The following SPATA33 variants were observed in gnomAD, a reference collection of about 807,000 sequenced individuals.
SPATA33 encodes the protein spermatogenesis-associated protein 33.
In SPATA33, 10 loss-of-function variants were observed where a neutral mutation model predicts 8.9. The ratio of observed to expected loss-of-function variants is 1.12; its 90% confidence interval spans 0.69 to 1.90. The LOEUF is 1.90. Ranked by LOEUF, SPATA33 falls within the 40% of genes most tolerant of loss-of-function variation. The probability of loss-of-function intolerance (pLI) is 0.00; values close to 1 mark genes in which losing one functional copy is unlikely to be tolerated. For missense variants in SPATA33, 241 were observed against 178.3 expected (o/e 1.35, Z -2.00); for synonymous variants, 96 against 72.8 (o/e 1.32, Z -1.63).
intron 2 of SPATA33, among the ~76,000 whole-genome samples, chr16:89,666,978 C>T (rs1364499239): frequency 6.6e-6 from 1 of 152,244 alleles, no homozygotes; most frequent in East Asian, 1.9e-4. Flanking sequence ...CACTGAAGCA[C>T]AGCATCACAG....
At chr16:89,660,414 G>C in intron 2 of SPATA33, 1 of 1,203,086 alleles carries the variant, frequency 8.3e-7, no homozygotes, top group Non-Finnish European at 1.0e-6. Flanking sequence ...CCTGTTGGAA[G>C]GGCCCCAGCA....
intron 2 of SPATA33, chr16:89,660,292 G>C (rs927031871): frequency 1.7e-5 from 7 of 405,384 alleles, no homozygotes; most frequent in Middle Eastern, 6.4e-4. Context: ...CGCCTGCCCA[G>C]CCTCTGCAGG....
intron 2 of SPATA33, among the ~76,000 whole-genome samples, chr16:89,664,463 C>T (rs1249353117): frequency 1.3e-5 from 2 of 152,220 alleles, no homozygotes; most frequent in African/African-American, 4.8e-5. Context: ...GATTAGCTCA[C>T]TCATCCATTG....
At chr16:89,659,487 A>G (rs9934821) in intron 2 of SPATA33, 9,388 of 152,428 alleles carry the variant, frequency 0.062, 380 homozygotes, top group Non-Finnish European at 0.094. Flanking sequence ...CAGCCTGGCC[A>G]ACGTGGTGAA....
intron 2 of SPATA33, among the ~76,000 whole-genome samples, chr16:89,665,238 G>A (rs1289688546): frequency 6.6e-6 from 1 of 152,034 alleles, no homozygotes; most frequent in Non-Finnish European, 1.5e-5. Flanking sequence ...CAAGCAATCT[G>A]CCTGCTTCAG....
chr16:89,657,990 C>T (rs929508012), intron 1 of SPATA33, 42 bp downstream of exon 1: 3 of 1,503,466 alleles, frequency 2.0e-6, no homozygotes, highest in Non-Finnish European at 2.6e-6. Context: ...GTCTCCGCCC[C>T]TGGGCGCGGG....
intron 2 of SPATA33, chr16:89,660,677 C>T (rs2059955327): frequency 3.6e-6 from 3 of 829,264 alleles, no homozygotes; most frequent in Admixed American, 4.3e-5. Context: ...ATGGAATGTC[C>T]AGAAAAGGCA....
chr16:89,660,560 A>AG, intron 2 of SPATA33: 2 of 1,231,674 alleles, frequency 1.6e-6, no homozygotes, highest in Non-Finnish European at 2.0e-6. Flanking sequence ...AGCGACAGTG[A>AG]GGAGCAGGCT....
chr16:89,667,599 G>C (rs879392908), intron 2 of SPATA33, among the ~76,000 whole-genome samples: 11 of 152,154 alleles, frequency 7.2e-5, no homozygotes, highest in Non-Finnish European at 1.0e-4. Flanking sequence ...GGAAGTTGAG[G>C]CTTCAGTGAG....
rs2059912279 is a variant in SPATA33, at chr16:89,658,311, A to G, written c.101A>G (p.Lys34Arg). ...AAATCTAAGGAGAAGTTGATGGAGA[A>G]GCATTCCCAGGAAGCCAGGCAGGCA... ...VPKSKEKLME[K>R]HSQEARQADR... is the part of the protein sequence containing the mutation. Residue 34 changes from lysine to arginine, a missense_variant, in exon 2 of 3, where the codon AAG (lysine) becomes AGG (arginine). Physicochemically the swap from Lys to Arg is conservative, Grantham distance 26. Transcript: ENST00000579310. 2.5e-6 allele frequency: 4 copies of G among 1,614,056 alleles called. No homozygotes were observed.
chr16:89,660,574 G>A (rs1177303166), intron 2 of SPATA33: 6 of 1,230,228 alleles, frequency 4.9e-6, no homozygotes, highest in Non-Finnish European at 6.1e-6. Context: ...GCAGGCTGCT[G>A]ACTCCCTTGC....
At chr16:89,669,253 A>G (rs986513341) in intron 2 of SPATA33, 33 bp from the exon 3 acceptor site, 2 of 1,602,484 alleles carry the variant, frequency 1.2e-6, no homozygotes, top group African/African-American at 1.3e-5. Flanking sequence ...CTTTCCACAC[A>G]TCTACTAAAT....
intron 2 of SPATA33, among the ~76,000 whole-genome samples, chr16:89,667,280 C>G (rs1404804896): frequency 6.6e-6 from 1 of 152,208 alleles, no homozygotes; most frequent in Non-Finnish European, 1.5e-5. Context: ...CTGGTCACTT[C>G]TCACCATGTC....
At position 89,669,500 on chromosome 16, in the gene SPATA33, A is replaced by G; in HGVS notation, c.*3A>G. On this transcript the variant is annotated 3_prime_UTR_variant, in exon 3 of 3. Coordinates refer to ENST00000579310, the MANE Select transcript of SPATA33 (RefSeq NM_001271907.2). Reference sequence around the variant, plus strand: ...ATAATTCACATCTCAAAGAATAAACAAGCACCTTTGCATGGCACTCGCTAC... The same window carrying G: ...ATAATTCACATCTCAAAGAATAAACGAGCACCTTTGCATGGCACTCGCTAC... 6.2e-7 allele frequency: 1 copy of G among 1,612,086 alleles called. No homozygotes were observed. The highest frequency in any genetic ancestry group is 1.7e-5 in the Admixed American group (1 of 60,016).
At chr16:89,665,399 G>A (rs1410494968) in intron 2 of SPATA33, among the ~76,000 whole-genome samples, 2 of 152,056 alleles carry the variant, frequency 1.3e-5, no homozygotes, top group Non-Finnish European at 2.9e-5. Context: ...CCGCCTCCCG[G>A]GTTCATGCCA....
chr16:89,658,809 G>T, intron 2 of SPATA33: 1 of 246,970 alleles, frequency 4.0e-6, no homozygotes, highest in South Asian at 5.7e-5. Context: ...CTCTCCGAGG[G>T]CTGTGGGGAT....
At position 89,658,464 on chromosome 16, in the gene SPATA33, G is replaced by A. The variant is rs1225886288; in HGVS notation, c.211+43G>A. On this transcript the variant is annotated intron_variant, in intron 2 of 2. Transcript: ENST00000579310. ...GGAGCGAAGCGAGGTCAGTGGCTTG[G>A]AGGATCTGGGGCTGGGGTGAGGAGC... 4 of 1,557,556 alleles carry A rather than the reference G, an allele frequency of 2.6e-6. No individual in the cohort carries two copies. The African/African-American group carries it at 4.1e-5, about 16-fold the overall frequency.
At chr16:89,659,025 T>C (rs1305742156) in intron 2 of SPATA33, 1 of 152,966 alleles carries the variant, frequency 6.5e-6, no homozygotes. Context: ...AGGTGCTGCC[T>C]GGGGCGGTAG....
intron 2 of SPATA33, 79 bp from the exon 3 acceptor site, chr16:89,669,207 G>A: frequency 7.4e-7 from 1 of 1,345,008 alleles, no homozygotes. Flanking sequence ...CCTTTACTCT[G>A]ACCAATGGCA....
Sources: allele counts gnomAD v4.1 joint callset (sites outside exome capture counted in the v4.1 genomes callset), GRCh38; gene constraint gnomAD v4.1.1; transcripts MANE v1.5; gene names NCBI Gene and HGNC (gene_info 2026-07-23, HGNC 2026-07-21).